Variants in DNAH7 observed in about 807,000 individuals in gnomAD.
DNAH7 encodes axonemal beta dynein heavy chain 7.
A neutral mutation model predicts 444.6 loss-of-function variants in DNAH7; 397 were observed. The ratio of observed to expected loss-of-function variants is 0.89; its 90% confidence interval spans 0.82 to 0.97. The LOEUF (loss-of-function observed/expected upper bound fraction) is 0.97. DNAH7 is among the 50% of genes least tolerant of loss of function. The pLI is 0.00. For missense variants in DNAH7, 4,902 were observed against 4,800.8 expected, an observed-to-expected ratio of 1.02 and a Z score of -0.62; for synonymous variants, 1,636 against 1,624.4, an observed-to-expected ratio of 1.01 and a Z score of -0.17.
In DNAH7 at chr2:195,755,165, A is replaced by G. The variant is rs537949253; in HGVS notation, c.11587-651T>C. Among the ~76,000 whole-genome samples the G allele has an allele frequency of 9.8e-5, 15 of 152,336 alleles. No individual in the cohort carries two copies. The South Asian group carries it at 2.9e-3, about 29-fold the overall frequency. ...CCCCATAAAGTCTGGTCAGATGGTT[A>G]TGTTTTTCACTTTTCTTCTCTCTCT... On this transcript the variant is annotated intron_variant, in intron 62 of 64. Transcript: ENST00000312428.
rs1694800185 is a variant in DNAH7, at chr2:196,012,819, G to A, written c.957C>T (p.His319=). The A allele has an allele frequency of 1.9e-6, 3 of 1,592,536 alleles. No individual in the cohort carries two copies. The highest frequency in any genetic ancestry group is 1.8e-5 in the Admixed American group (1 of 56,550). Residue 319 remains histidine (H), a synonymous_variant, in exon 10 of 65, where the codon CAC becomes CAT. Coordinates refer to ENST00000312428, the MANE Select transcript of DNAH7 (RefSeq NM_018897.3). ...GTAGAGTCTCTTTGGCAGAGTCCAT[G>A]TGTCTCATGATAATGTTCTGAAAAC... ...LSSFQNIIMR[H]MDSAKETLLK... is the part of the protein sequence containing the mutation.
chr2:195,887,798 G>C (rs1189079696), intron 33 of DNAH7, among the ~76,000 whole-genome samples: 1 of 152,060 alleles, frequency 6.6e-6, no homozygotes, highest in South Asian at 2.1e-4. Context: ...CCATTTCCTT[G>C]TCATTTTCCT....
At chr2:195,784,842 T>C (rs1448153660) in intron 58 of DNAH7, among the ~76,000 whole-genome samples, 1 of 152,176 alleles carries the variant, frequency 6.6e-6, no homozygotes, top group Non-Finnish European at 1.5e-5. Flanking sequence ...ACATATAATG[T>C]GGACCATCTT....
At chr2:195,741,353 T>G (rs571035981) in intron 63 of DNAH7, among the ~76,000 whole-genome samples, 2 of 152,368 alleles carry the variant, frequency 1.3e-5, no homozygotes, top group East Asian at 3.9e-4. Context: ...TTATTCTTAC[T>G]GCCAAGAGCT....
intron 47 of DNAH7, among the ~76,000 whole-genome samples, chr2:195,835,435 A>G (rs1342834955): frequency 6.6e-6 from 1 of 152,028 alleles, no homozygotes; most frequent in Admixed American, 6.5e-5. Context: ...ATATAACAGG[A>G]TAACATATTA....
chr2:195,882,111 T>TAAAGGATAAAACAA, intron 35 of DNAH7, 119 bp from the exon 36 acceptor site: 1 of 777,622 alleles, frequency 1.3e-6, no homozygotes, highest in Non-Finnish European at 2.0e-6. Flanking sequence ...ACATTTGTTT[T>TAAAGGATAAAACAA]ATCCTTTAAG....
At chr2:195,936,863 T>C (rs1206372873) in intron 19 of DNAH7, 71 bp from the exon 20 acceptor site, 3 of 1,153,474 alleles carry the variant, frequency 2.6e-6, no homozygotes, top group Non-Finnish European at 3.5e-6. Flanking sequence ...TCATATTATA[T>C]TTGAGATTAT....
At chr2:195,808,949 A>G (rs1422510290) in intron 52 of DNAH7, 73 bp from the exon 53 acceptor site, 3 of 1,341,206 alleles carry the variant, frequency 2.2e-6, no homozygotes, top group East Asian at 2.4e-5. Flanking sequence ...AACCATTATA[A>G]AAGAGTTGAG....
rs74317435 is a variant in DNAH7, at chr2:196,028,022, C to A, written c.424G>T (p.Ala142Ser). 1 of 1,609,804 alleles carries A rather than the reference C, an allele frequency of 6.2e-7. No homozygotes were observed. Among genetic ancestry groups the A allele is most frequent in the Admixed American group, 1.7e-5 (1 of 59,562 alleles). The change falls in exon 6 of 65, where the codon GCT becomes TCT. Residue 142 changes from alanine to serine, a missense_variant. Physicochemically the swap from Ala to Ser is moderately conservative, Grantham distance 99 (BLOSUM62 1). Coordinates refer to ENST00000312428, the MANE Select transcript of DNAH7 (RefSeq NM_018897.3). ...IMQQDADLDS[A>S]VPDGSTIPKP... Reference sequence around the variant, plus strand: ...GGAATTGTGCTTCCATCAGGGACAGCTGAGTCTAAGTCAGCATCTTGTTGC... The same window carrying A: ...GGAATTGTGCTTCCATCAGGGACAGATGAGTCTAAGTCAGCATCTTGTTGC...
Position 195,878,047 on chromosome 2 carries a change from C to T in DNAH7, c.5962-1348G>A, listed in dbSNP as rs1282362772. On this transcript the variant is annotated intron_variant, in intron 36 of 64. Coordinates refer to ENST00000312428, the MANE Select transcript of DNAH7 (RefSeq NM_018897.3). ...TTCAAGAGGAATAATAGTTTGAAAA[C>T]AAGTTATTCTATTTATTTAAAGAAA... Among the ~76,000 whole-genome samples the T allele has an allele frequency of 2.0e-5, 3 of 152,094 alleles. No individual in the cohort carries two copies. The East Asian group carries it at 5.8e-4, about 29-fold the overall frequency.
chr2:195,865,610 G>A (rs1426415859), intron 40 of DNAH7, among the ~76,000 whole-genome samples: 1 of 152,124 alleles, frequency 6.6e-6, no homozygotes, highest in Non-Finnish European at 1.5e-5. Flanking sequence ...ATATGCACAT[G>A]TTATGGGACT....
chr2:196,007,848 C>G (rs1188411968), intron 10 of DNAH7, among the ~76,000 whole-genome samples: 1 of 152,170 alleles, frequency 6.6e-6, no homozygotes, highest in East Asian at 1.9e-4. Context: ...ATTACCCAGT[C>G]TCAGGTATGT....
intron 24 of DNAH7, among the ~76,000 whole-genome samples, chr2:195,921,514 T>C (rs550015294): frequency 5.3e-5 from 8 of 152,276 alleles, no homozygotes; most frequent in Non-Finnish European, 7.4e-5. Context: ...AAACATCATA[T>C]GTTCTCACTT....
chr2:195,884,914 C>A (rs1701622646), intron 34 of DNAH7, 105 bp from the exon 35 acceptor site: 2 of 881,242 alleles, frequency 2.3e-6, no homozygotes, highest in East Asian at 5.4e-5. Flanking sequence ...TGAAAGGAAA[C>A]ACGTAAGCTC....
At chr2:195,847,247 C>A (rs894070197) in intron 46 of DNAH7, among the ~76,000 whole-genome samples, 1 of 151,302 alleles carries the variant, frequency 6.6e-6, no homozygotes, top group African/African-American at 2.4e-5. Flanking sequence ...CAGCACTATT[C>A]ACAATAGCAA....
chr2:195,845,930 T>C lies in DNAH7; in HGVS notation c.8782-765A>G, dbSNP rs748975942. Among the ~76,000 whole-genome samples the C allele has an allele frequency of 7.9e-5, 12 of 152,318 alleles. 1 individual carries two copies. The highest frequency in any genetic ancestry group is 6.2e-4 in the South Asian group (3 of 4,830). ...TTAGAAGAAAACCTAGGAAATACCA[T>C]TCTAGACATAGGCCCTGGCCAAGAT... is the stretch of plus-strand genomic sequence containing the variant. On this transcript the variant is annotated intron_variant, in intron 46 of 64. Transcript: ENST00000312428.
chr2:195,853,310 A>AG, intron 46 of DNAH7, 33 bp downstream of exon 46: 1 of 1,576,888 alleles, frequency 6.3e-7, no homozygotes, highest in Non-Finnish European at 8.6e-7. Context: ...TGATGGGCAG[A>AG]GGGTCAGGAA....
chr2:195,985,596 ATC>A (rs1169260878), intron 14 of DNAH7, among the ~76,000 whole-genome samples: 1 of 152,166 alleles, frequency 6.6e-6, no homozygotes, highest in East Asian at 1.9e-4. Context: ...AGGCATTCAT[ATC>A]TAATGACTCC....
rs374148963 is a variant in DNAH7 at position 195,817,769 on chromosome 2, C to T, written c.9352G>A (p.Val3118Met). ...EGMQDQLLGIVVAQERPDLEE... is the reference protein window; with the variant it reads ...EGMQDQLLGIMVAQERPDLEE... ...AGGTCTGGCCTTTCTTGTGCCACCA[C>T]AATTCCCAGAAGCTGATCTTGCATT... The change falls in exon 50 of 65, where the codon GTG becomes ATG. Residue 3118 changes from valine (V) to methionine (M), a missense_variant. Coordinates refer to ENST00000312428, the MANE Select transcript of DNAH7 (RefSeq NM_018897.3). 1.5e-5 allele frequency: 25 copies of T among 1,613,108 alleles called. No homozygotes were observed. The highest frequency in any genetic ancestry group is 2.1e-5 in the Non-Finnish European group (25 of 1,179,616).
Sources: allele counts gnomAD v4.1 joint callset (sites outside exome capture counted in the v4.1 genomes callset), GRCh38; gene constraint gnomAD v4.1.1; transcripts MANE v1.5; gene names NCBI Gene and HGNC (gene_info 2026-07-23, HGNC 2026-07-21).